Variants in PLA1A observed in about 807,000 individuals in gnomAD.
The protein encoded by PLA1A is phospholipase A1 member A, also known as phosphatidylserine-specific phospholipase A1alpha.
In PLA1A, 47 loss-of-function variants were observed where a neutral mutation model predicts 49.4. The observed-to-expected ratio is 0.95, with a 90% CI of 0.75 to 1.21. The LOEUF (loss-of-function observed/expected upper bound fraction) is 1.21. PLA1A is among the 50% of genes most tolerant of loss of function. PLA1A has a pLI of 0.00. For missense variants in PLA1A, 561 were observed against 563.9 expected (o/e 0.99, Z 0.05); for synonymous variants, 224 against 207.9 (o/e 1.08, Z -0.67).
At chr3:119,602,892 G>A (rs1378374193) in intron 1 of PLA1A, among the ~76,000 whole-genome samples, 1 of 152,132 alleles carries the variant, frequency 6.6e-6, no homozygotes, top group African/African-American at 2.4e-5. Flanking sequence ...AAGACTTGAA[G>A]GAGGGGAAGG....
rs1241739170 is a variant in PLA1A, at chr3:119,626,214, C to T, written c.1121+982C>T. ...GCAGGAGCTGAACCCATGGGAAGTG[C>T]GGCCCCTCTGGAACCCCTGCCCAAA... On this transcript the variant is annotated intron_variant, in intron 9 of 10. Transcript: ENST00000273371. Among the ~76,000 whole-genome samples, 9 of 152,306 alleles carry T rather than the reference C, an allele frequency of 5.9e-5. 1 individual carries two copies. The highest frequency in any genetic ancestry group is 3.9e-4 in the East Asian group (2 of 5,182).
At chr3:119,624,563 C>T (rs948534596) in intron 8 of PLA1A, among the ~76,000 whole-genome samples, 1 of 152,094 alleles carries the variant, frequency 6.6e-6, no homozygotes, top group Admixed American at 6.5e-5. Context: ...TTACTGAATG[C>T]TTCCTAGGCA....
intron 4 of PLA1A, 23 bp downstream of exon 4, chr3:119,609,599 C>T (rs2082738365): frequency 5.5e-6 from 7 of 1,280,248 alleles, no homozygotes; most frequent in Non-Finnish European, 7.9e-6. Flanking sequence ...CCTGCCCATC[C>T]TCCAGGCTTT....
intron 1 of PLA1A, among the ~76,000 whole-genome samples, chr3:119,605,967 C>G (rs1408799938): frequency 2.0e-5 from 3 of 152,156 alleles, no homozygotes; most frequent in Non-Finnish European, 4.4e-5. Flanking sequence ...CTCTTGACTG[C>G]TCATAAGGAC....
At chr3:119,619,523 C>G (rs1240746544) in intron 7 of PLA1A, 40 bp from the exon 8 acceptor site, 2 of 1,408,992 alleles carry the variant, frequency 1.4e-6, no homozygotes, top group Non-Finnish European at 2.0e-6. Context: ...CCTAAGATAG[C>G]CTTCTCAGGA....
rs139965899 is a variant in PLA1A at position 119,608,801 on chromosome 3, A to G, written c.307A>G (p.Thr103Ala). 170 of 1,613,902 alleles carry G rather than the reference A, an allele frequency of 1.1e-4. No homozygotes were observed. In the African/African-American group the frequency reaches 2.0e-3, roughly 19 times the overall value. Residue 103 changes from threonine to alanine, a missense_variant, in exon 3 of 11, where the codon ACA becomes GCA. Coordinates refer to ENST00000273371, the MANE Select transcript of PLA1A (RefSeq NM_015900.4). ...VLGTKPSWID[T>A]FIRTLLRATN... ...AGGAACAAAGCCTTCCTGGATTGAC[A>G]CATTTATTAGAACCCTTCTGCGTGC...
rs188032675 is a variant in PLA1A, at chr3:119,612,512, G to A, written c.563-505G>A. The stretch of plus-strand genomic sequence containing the variant: ...AAGGTCATCTTTTTTTTTTTGAGAT[G>A]GAGTTTCGCCCTGTTGCCCAGGCTG... On this transcript the variant is annotated intron_variant, in intron 4 of 10. Transcript: ENST00000273371. 7.3e-4 allele frequency among the ~76,000 whole-genome samples: 110 copies of A among 150,416 alleles called. 1 individual carries two copies. The East Asian group carries it at 0.016, about 21-fold the overall frequency.
At chr3:119,620,199 AG>A in intron 8 of PLA1A, 1 of 455,982 alleles carries the variant, frequency 2.2e-6, no homozygotes, top group South Asian at 1.6e-5. Flanking sequence ...ATACATTACA[AG>A]CTAAACCGTC....
intron 2 of PLA1A, among the ~76,000 whole-genome samples, chr3:119,607,793 G>T (rs1267719591): frequency 6.6e-6 from 1 of 152,130 alleles, no homozygotes; most frequent in East Asian, 1.9e-4. Flanking sequence ...CCAACCCAGG[G>T]GTAGCTAATA....
At chr3:119,599,190 C>T (rs1344305119) in intron 1 of PLA1A, among the ~76,000 whole-genome samples, 4 of 152,170 alleles carry the variant, frequency 2.6e-5, no homozygotes, top group Non-Finnish European at 4.4e-5. Context: ...CTTTCTTTAC[C>T]TGTAGCTAGA....
intron 2 of PLA1A, among the ~76,000 whole-genome samples, chr3:119,608,489 C>T (rs1797831): frequency 6.6e-6 from 1 of 152,024 alleles, no homozygotes; most frequent in Non-Finnish European, 1.5e-5. Flanking sequence ...ATGAGGCTGA[C>T]ATCCAAGCTA....
At chr3:119,611,405 G>T (rs1164105146) in intron 4 of PLA1A, among the ~76,000 whole-genome samples, 1 of 152,088 alleles carries the variant, frequency 6.6e-6, no homozygotes, top group Non-Finnish European at 1.5e-5. Flanking sequence ...GATTGCTTTG[G>T]GCAAAATGGA....
intron 4 of PLA1A, among the ~76,000 whole-genome samples, chr3:119,611,048 A>C (rs1316663884): frequency 6.6e-6 from 1 of 152,024 alleles, no homozygotes; most frequent in African/African-American, 2.4e-5. Flanking sequence ...GTTTTCCCAC[A>C]CCATTTATCG....
Position 119,618,028 on chromosome 3 carries a change from A to T in PLA1A, c.764A>T (p.Tyr255Phe). Residue 255 changes from tyrosine (Y) to phenylalanine (F), a missense_variant, in exon 7 of 11, where the codon TAT becomes TTT. Physicochemically the swap from Tyr to Phe is conservative, Grantham distance 22. Coordinates refer to ENST00000273371, the MANE Select transcript of PLA1A (RefSeq NM_015900.4). ...CPTFFYAGYS[Y>F]LICDHMRAVH... The stretch of plus-strand genomic sequence containing the variant: ...TTTTTTCTCTGTTCAGGTTATAGTT[A>T]TCTGATCTGTGATCACATGAGGGCT... 2 of 1,611,668 alleles carry T rather than the reference A, an allele frequency of 1.2e-6. No homozygotes were observed. The highest frequency in any genetic ancestry group is 2.2e-5 in the South Asian group (2 of 90,528).
intron 5 of PLA1A, among the ~76,000 whole-genome samples, chr3:119,615,030 A>G (rs950437262): frequency 6.6e-6 from 1 of 152,224 alleles, no homozygotes; most frequent in Admixed American, 6.5e-5. Context: ...GACTAGACTC[A>G]TGATGGGCTG....
chr3:119,615,328 G>T (rs1331043381), intron 5 of PLA1A, among the ~76,000 whole-genome samples: 1 of 152,154 alleles, frequency 6.6e-6, no homozygotes, highest in Non-Finnish European at 1.5e-5. Context: ...AGTCAGGAGA[G>T]CACAAAAGAT....
chr3:119,612,691 T>C (rs2082785146), intron 4 of PLA1A, among the ~76,000 whole-genome samples: 2 of 152,176 alleles, frequency 1.3e-5, no homozygotes, highest in African/African-American at 4.8e-5. Context: ...GGTTGCACCA[T>C]GTTAGCCAGG....
chr3:119,608,065 C>T (rs1322179490), intron 2 of PLA1A, among the ~76,000 whole-genome samples: 1 of 152,010 alleles, frequency 6.6e-6, no homozygotes, highest in Non-Finnish European at 1.5e-5. Flanking sequence ...TCTTATTTGT[C>T]TTTATTTTTT....
At chr3:119,615,282 T>C (rs950538653) in intron 5 of PLA1A, among the ~76,000 whole-genome samples, 1 of 152,192 alleles carries the variant, frequency 6.6e-6, no homozygotes, top group Non-Finnish European at 1.5e-5. Context: ...GGATGCTCTC[T>C]TATCTCCGCT....
Sources: gnomAD v4.1 joint callset for allele counts (sites outside exome capture counted in the v4.1 genomes callset) on GRCh38, gnomAD v4.1.1 for gene constraint, MANE v1.5 for transcripts, NCBI Gene and HGNC (gene_info 2026-07-23, HGNC 2026-07-21) for gene names.